Variants in PSMA8 observed in about 807,000 individuals in gnomAD.
The protein encoded by PSMA8 is proteasome subunit alpha-type 8.
A neutral mutation model predicts 32.4 loss-of-function variants in PSMA8; 18 were observed. That is an observed-to-expected ratio of 0.56 (90% confidence interval 0.38 to 0.82). The LOEUF is 0.82. Ranked by LOEUF, PSMA8 falls within the 40% of genes least tolerant of loss-of-function variation. The probability of loss-of-function intolerance (pLI) is 0.00; values close to 1 mark genes in which losing one functional copy is unlikely to be tolerated. For synonymous variants in PSMA8, 104 were observed against 98.1 expected (o/e 1.06, Z -0.36); for missense variants, 298 against 300.7 (o/e 0.99, Z 0.07).
intron 1 of PSMA8, among the ~76,000 whole-genome samples, chr18:26,135,979 T>A (rs1234630557): frequency 6.6e-6 from 1 of 152,222 alleles, no homozygotes; most frequent in Non-Finnish European, 1.5e-5. Context: ...TTAATGGCAC[T>A]TGATTATTAA....
intron 1 of PSMA8, among the ~76,000 whole-genome samples, chr18:26,139,736 A>C (rs765916340): frequency 5.3e-5 from 8 of 152,204 alleles, no homozygotes; most frequent in Non-Finnish European, 8.8e-5. Flanking sequence ...ACCTTGACTA[A>C]ACTCTGAGAG....
chr18:26,163,748 A>G (rs1434163411), intron 4 of PSMA8, among the ~76,000 whole-genome samples: 1 of 152,254 alleles, frequency 6.6e-6, no homozygotes, highest in East Asian at 1.9e-4. Flanking sequence ...GTAGAAAGCC[A>G]TTTGAAGTTT....
At chr18:26,182,072 G>A (rs907779802) in intron 6 of PSMA8, among the ~76,000 whole-genome samples, 2 of 152,184 alleles carry the variant, frequency 1.3e-5, no homozygotes, top group Admixed American at 6.5e-5. Context: ...GCTGAGAGGG[G>A]TGAGGAAGCG....
At chr18:26,155,524 C>T (rs1044277781) in intron 3 of PSMA8, among the ~76,000 whole-genome samples, 2 of 152,148 alleles carry the variant, frequency 1.3e-5, no homozygotes, top group Non-Finnish European at 2.9e-5. Context: ...TGATTTTCAG[C>T]AGAAATGTCA....
intron 4 of PSMA8, among the ~76,000 whole-genome samples, chr18:26,167,371 T>C (rs1044976878): frequency 6.6e-6 from 1 of 152,306 alleles, no homozygotes; most frequent in East Asian, 1.9e-4. Flanking sequence ...TAAATATATT[T>C]GCAAGACAAA....
At chr18:26,145,355 T>G (rs898260593) in intron 2 of PSMA8, among the ~76,000 whole-genome samples, 2 of 151,998 alleles carry the variant, frequency 1.3e-5, no homozygotes, top group African/African-American at 4.8e-5. Flanking sequence ...TGACCTCGGG[T>G]GATCCACCCG....
Position 26,158,233 on chromosome 18 carries a change from C to G in PSMA8, c.466C>G (p.His156Asp), listed in dbSNP as rs200476943. ...TCAGACAGATCCTTCTGGTACTTAT[C>G]ATGCTTGGAAGGTGAGTCATGAATT... The part of the protein sequence containing the change: ...LYQTDPSGTY[H>D]AWKANAIGRS... The change falls in exon 4 of 7, where the codon CAT becomes GAT. Residue 156 changes from histidine to aspartate, a missense_variant. His to Asp is a moderately conservative substitution (Grantham distance 81). Transcript: ENST00000415576. The G allele has an allele frequency of 2.0e-5, 32 of 1,598,690 alleles. No individual in the cohort carries two copies. The highest frequency in any genetic ancestry group is 3.3e-4 in the Middle Eastern group (2 of 6,030).
chr18:26,173,846 A>T (rs1001294451), intron 4 of PSMA8, among the ~76,000 whole-genome samples: 1 of 152,016 alleles, frequency 6.6e-6, no homozygotes, highest in Non-Finnish European at 1.5e-5. Flanking sequence ...GTGAGCCATC[A>T]CGCCCGGCCT....
intron 4 of PSMA8, among the ~76,000 whole-genome samples, chr18:26,167,852 T>TATGACATACCAAGCAGAC (rs1490158200): frequency 3.8e-5 from 5 of 131,052 alleles, no homozygotes; most frequent in South Asian, 2.2e-4. Context: ...GGTATTTTTT[T>TATGACATACCAAGCAGAC]TTTTTTTTTT....
chr18:26,164,225 G>A (rs2055160389), intron 4 of PSMA8, among the ~76,000 whole-genome samples: 1 of 152,124 alleles, frequency 6.6e-6, no homozygotes. Context: ...ATCACTTGAG[G>A]CCAGGAGCTC....
At chr18:26,136,066 T>C (rs1362332778) in intron 1 of PSMA8, among the ~76,000 whole-genome samples, 1 of 152,222 alleles carries the variant, frequency 6.6e-6, no homozygotes, top group Non-Finnish European at 1.5e-5. Context: ...TGACCAGTTT[T>C]GACCAGTATG....
intron 2 of PSMA8, among the ~76,000 whole-genome samples, chr18:26,148,222 A>G (rs1262800676): frequency 6.6e-6 from 1 of 152,140 alleles, no homozygotes; most frequent in East Asian, 1.9e-4. Context: ...ACAAGAAAAG[A>G]AAACTATAGA....
At chr18:26,140,050 T>C (rs751491123) in intron 1 of PSMA8, 51 of 702,950 alleles carry the variant, frequency 7.3e-5, no homozygotes, top group Middle Eastern at 6.8e-4. Flanking sequence ...GGTAGTATCA[T>C]GTTTCTCTGA....
In PSMA8 at chr18:26,133,938, C is replaced by CGGTG. The variant is rs1568050327; in HGVS notation, c.-26_-23dup. 6 of 1,582,462 alleles carry CGGTG rather than the reference C, an allele frequency of 3.8e-6. No homozygotes were observed. The highest frequency in any genetic ancestry group is 5.2e-6 in the Non-Finnish European group (6 of 1,152,486). On this transcript the variant is annotated 5_prime_UTR_variant, in exon 1 of 7. Coordinates refer to ENST00000415576, the MANE Select transcript of PSMA8 (RefSeq NM_001025096.2). ...GCCTCAGCTGCAGCAGCGGGAAGCT[C>CGGTG]GGTGGCAAGCCCTTGTAGTCCTGTG...
chr18:26,186,276 A>G (rs936101036), intron 6 of PSMA8, among the ~76,000 whole-genome samples: 2 of 145,824 alleles, frequency 1.4e-5, no homozygotes, highest in African/African-American at 5.2e-5. Flanking sequence ...AAAAAAAAAA[A>G]ACGCAAAGTG....
Position 26,192,327 on chromosome 18 carries a change from T to C in PSMA8, c.669T>C (p.Ser223=). The C allele has an allele frequency of 6.6e-7, 1 of 1,511,070 alleles. No individual in the cohort carries two copies. The highest frequency in any genetic ancestry group is 8.8e-7 in the Non-Finnish European group (1 of 1,141,366). 93.6% of individuals were successfully genotyped at this position (1,511,070 alleles called of 1,614,324 possible). A position where few individuals can be genotyped will look rare whatever the true frequency, so the allele number is the denominator to read the frequency against. The change falls in exon 7 of 7, where the codon AGT becomes AGC. Residue 223 remains serine, a synonymous_variant. Transcript: ENST00000415576. ...IRRNQPLKMF[S]AKEVELYVTE... ...TTTTTTTCTCTTTTCAGATGTTTAGTGCAAAAGAAGTTGAATTATATGTAA... is the reference window on the plus strand; with the variant it reads ...TTTTTTTCTCTTTTCAGATGTTTAGCGCAAAAGAAGTTGAATTATATGTAA...
At chr18:26,175,891 C>T (rs2055260021) in intron 4 of PSMA8, among the ~76,000 whole-genome samples, 1 of 152,120 alleles carries the variant, frequency 6.6e-6, no homozygotes, top group Non-Finnish European at 1.5e-5. Flanking sequence ...AGTAAAGGTT[C>T]CTAGGAGCTT....
At chr18:26,139,687 A>T (rs1385040922) in intron 1 of PSMA8, among the ~76,000 whole-genome samples, 1 of 152,222 alleles carries the variant, frequency 6.6e-6, no homozygotes, top group East Asian at 1.9e-4. Context: ...AGGATAGTCT[A>T]CAACTGAACC....
rs182212393 is a variant in PSMA8 at position 26,162,681 on chromosome 18, C to T, written c.477+4437C>T. ...GAGATTGAGACCATCCTGGCTAACA[C>T]GGTGAAACCCCATCTCTACTAAAAA... On this transcript the variant is annotated intron_variant, in intron 4 of 6. Coordinates refer to ENST00000415576, the MANE Select transcript of PSMA8 (RefSeq NM_001025096.2). Among the ~76,000 whole-genome samples, 358 of 152,086 alleles carry T rather than the reference C, an allele frequency of 2.4e-3. 2 individuals carry two copies. Among genetic ancestry groups the T allele is most frequent in the African/African-American group, 8.3e-3 (343 of 41,492 alleles).
Sources: gnomAD v4.1 joint callset for allele counts (sites outside exome capture counted in the v4.1 genomes callset) on GRCh38, gnomAD v4.1.1 for gene constraint, MANE v1.5 for transcripts, NCBI Gene and HGNC (gene_info 2026-07-23, HGNC 2026-07-21) for gene names.